Variants in CLN6 observed in about 807,000 individuals in gnomAD.
CLN6 encodes CLN6 transmembrane ER protein, also known as ceroid-lipofuscinosis neuronal protein 6.
In CLN6, 22 loss-of-function variants were observed where a neutral mutation model predicts 33.3. The ratio of observed to expected loss-of-function variants is 0.66; its 90% CI spans 0.47 to 0.94. The LOEUF (loss-of-function observed/expected upper bound fraction) is 0.94, where lower values mean the gene tolerates loss of function less well. CLN6 is among the 40% of genes least tolerant of loss of function. The pLI, the probability that CLN6 is intolerant of heterozygous loss-of-function variation, is 0.00. For synonymous variants in CLN6, 201 were observed against 174.6 expected (o/e 1.15, Z -1.19); for missense variants, 387 against 417.1 (o/e 0.93, Z 0.63).
rs913750419 is a variant in CLN6 at position 68,209,871 on chromosome 15, C to T, written c.543-112G>A. 19 of 1,485,774 alleles carry T rather than the reference C, an allele frequency of 1.3e-5. No homozygotes were observed. Among genetic ancestry groups the T allele is most frequent in the South Asian group, 1.3e-4 (11 of 87,846 alleles). The allele number at this position is 1,485,774 out of a possible 1,614,324, so 92.0% of individuals were successfully genotyped here. A position where few individuals can be genotyped will look rare whatever the true frequency, so the allele number is the denominator to read the frequency against. ...GAGTGCCACGTCACAGTTTACAAAA[C>T]GCCTAGCCTGGGTGAGAGGCGCTCC... On this transcript the variant is annotated intron_variant, in intron 5 of 6. Coordinates refer to ENST00000249806, the MANE Select transcript of CLN6 (RefSeq NM_017882.3). This position sits in a 1 kb window ranked among gnomAD's most constrained non-coding sequence, Gnocchi z 4.9.
Position 68,227,785 on chromosome 15 carries a change from T to C in CLN6, c.83+1717A>G, listed in dbSNP as rs139320560. On this transcript the variant is annotated intron_variant, in intron 1 of 6. Coordinates refer to ENST00000249806, the MANE Select transcript of CLN6 (RefSeq NM_017882.3). This position sits in a 1 kb window ranked among gnomAD's most constrained non-coding sequence, Gnocchi z 4.1. ...ATTGGAAGTGACATCTGGCAGCTCA[T>C]TGTCAAGACTGAGTAAGATGCTAGA... 4.1e-3 allele frequency among the ~76,000 whole-genome samples: 630 copies of C among 152,290 alleles called. 1 individual carries two copies. The highest frequency in any genetic ancestry group is 6.8e-3 in the Middle Eastern group (2 of 294).
In CLN6 at chr15:68,256,695, A is replaced by C. The variant is rs1178893240; in HGVS notation, c.174T>G (p.Gly58=). Residue 58 remains glycine (G), a synonymous_variant, in exon 1 of 7, where the codon GGT becomes GGG. Transcript: ENST00000538696. This position sits in a 1 kb window ranked among gnomAD's most constrained non-coding sequence, Gnocchi z 4.1. Reference sequence around the variant, plus strand: ...CTCATTGCCTTGAAACTTACTTTTTACCTTTGAATTTGAGTTTTCTCAGCG... The same window carrying C: ...CTCATTGCCTTGAAACTTACTTTTTCCCTTTGAATTTGAGTTTTCTCAGCG... 3.0e-6 allele frequency: 2 copies of C among 668,324 alleles called. No individual in the cohort carries two copies. Among genetic ancestry groups the C allele is most frequent in the African/African-American group, 1.8e-5 (1 of 55,614 alleles). The allele number at this position is 668,324 out of a possible 1,614,324, so 41.4% of individuals were successfully genotyped here.
Position 68,236,190 on chromosome 15 carries a change from T to C in CLN6, c.180-17540A>G, listed in dbSNP as rs890230173. Among the ~76,000 whole-genome samples the C allele has an allele frequency of 6.6e-6, 1 of 152,034 alleles. No individual in the cohort carries two copies. The highest frequency in any genetic ancestry group is 2.4e-5 in the African/African-American group (1 of 41,370). On this transcript the variant is annotated intron_variant, in intron 1 of 6. Transcript: ENST00000538696. The surrounding 1 kb of genome is among the most constrained non-coding windows in gnomAD (Gnocchi z 4.5). ...AAAATGGCACAGCCCCTTTGGAAAA[T>C]AGTCCAGCAGGTCCTCAAACTGTTA... is the stretch of plus-strand genomic sequence containing the variant.
chr15:68,252,415 A>G (rs1050573978), intron 1 of CLN6, among the ~76,000 whole-genome samples: 6 of 152,278 alleles, frequency 3.9e-5, no homozygotes, highest in African/African-American at 1.4e-4. Flanking sequence ...TCAGGTAAAT[A>G]TAAATAAATG....
In CLN6 at chr15:68,227,228, G is replaced by A. The variant is rs1001310448; in HGVS notation, c.83+2274C>T. Among the ~76,000 whole-genome samples the A allele has an allele frequency of 7.9e-5, 12 of 151,668 alleles. No homozygotes were observed. In the South Asian group the frequency reaches 1.3e-3, roughly 16 times the overall value. ...AATTTTTGTATTTTTTAGTAGAGAC[G>A]GGGATTCTCCATGTTGGCCAGGCTG... On this transcript the variant is annotated intron_variant, in intron 1 of 6. Transcript: ENST00000249806. The surrounding 1 kb of genome is among the most constrained non-coding windows in gnomAD (Gnocchi z 4.1).
In CLN6 at chr15:68,208,812, T is replaced by C. The variant is rs2093195834; in HGVS notation, c.666-402A>G. On this transcript the variant is annotated intron_variant, in intron 6 of 6. Transcript: ENST00000249806. The surrounding 1 kb of genome is among the most constrained non-coding windows in gnomAD (Gnocchi z 5.8). ...CAGCAGGAAGCGCTCCCCTAACGTCTTTCCCGCTCACTGTAGCTGCCACCC... is the reference window on the plus strand; with the variant it reads ...CAGCAGGAAGCGCTCCCCTAACGTCCTTCCCGCTCACTGTAGCTGCCACCC... 6.6e-6 allele frequency among the ~76,000 whole-genome samples: 1 copy of C among 152,212 alleles called. No individual in the cohort carries two copies. The highest frequency in any genetic ancestry group is 2.1e-4 in the South Asian group (1 of 4,832).
At position 68,208,308 on chromosome 15, in the gene CLN6, G is replaced by C. The variant is rs760271120; in HGVS notation, c.768C>G (p.Asp256Glu). 4.3e-6 allele frequency: 7 copies of C among 1,614,180 alleles called. No homozygotes were observed. The South Asian group carries it at 6.6e-5, about 15-fold the overall frequency. ...LHQKRKRLFL[D>E]SNGLFLFSSF... ...AGGAGAAGAGGAAGAGGCCGTTGCT[G>C]TCCAGGAAGAGGCGCTTGCGCTTCT... Residue 256 changes from aspartate to glutamate, a missense_variant, in exon 7 of 7, where the codon GAC (aspartate) becomes GAG (glutamate). By Grantham distance (45) the Asp-to-Glu change is conservative (BLOSUM62 2). Coordinates refer to ENST00000249806, the MANE Select transcript of CLN6 (RefSeq NM_017882.3). The surrounding 1 kb of genome is among the most constrained non-coding windows in gnomAD (Gnocchi z 5.8).
intron 1 of CLN6, among the ~76,000 whole-genome samples, chr15:68,250,596 G>T (rs1892368759): frequency 7.0e-6 from 1 of 142,800 alleles, no homozygotes; most frequent in South Asian, 2.2e-4. Flanking sequence ...CTGCACTCCA[G>T]CCTGGGCGAC....
At position 68,256,804 on chromosome 15, in the gene CLN6, G is replaced by C. The variant is rs774437466; in HGVS notation, c.65C>G (p.Ala22Gly). ...CTCGCCTCCCTCCCTCCTAGGGATG[G>C]CTCCCAGTGTCTCTGGCCGGGGCCT... Residue 22 changes from alanine to glycine, a missense_variant, in exon 1 of 7, where the codon GCC becomes GGC. Physicochemically the swap from Ala to Gly is moderately conservative, Grantham distance 60. Transcript: ENST00000538696. This position sits in a 1 kb window ranked among gnomAD's most constrained non-coding sequence, Gnocchi z 4.1. 49 of 702,012 alleles carry C rather than the reference G, an allele frequency of 7.0e-5. No individual in the cohort carries two copies. Among genetic ancestry groups the C allele is most frequent in the Non-Finnish European group, 4.2e-5 (16 of 384,662 alleles). The allele number at this position is 702,012 out of a possible 1,614,324, so 43.5% of individuals were successfully genotyped here.
chr15:68,229,445 C>A, intron 1 of CLN6, 57 bp downstream of exon 1: 3 of 1,331,236 alleles, frequency 2.3e-6, no homozygotes, highest in Non-Finnish European at 3.0e-6. Flanking sequence ...CGTGGCGGGT[C>A]CCGAGGCCCC....
At chr15:68,239,766 T>C (rs1892265148) in intron 1 of CLN6, among the ~76,000 whole-genome samples, 1 of 152,218 alleles carries the variant, frequency 6.6e-6, no homozygotes, top group Non-Finnish European at 1.5e-5. Flanking sequence ...ATAAATTACC[T>C]TGCATTCAAC....
At position 68,247,127 on chromosome 15, in the gene CLN6, C is replaced by A. The variant is rs1892335946; in HGVS notation, c.179+9563G>T. 6.6e-6 allele frequency among the ~76,000 whole-genome samples: 1 copy of A among 152,022 alleles called. No homozygotes were observed. Among genetic ancestry groups the A allele is most frequent in the Admixed American group, 6.6e-5 (1 of 15,264 alleles). ...AACAAAACAAGGATGCCCACCTCCA[C>A]TTTTATTCAACATAGTATTGGAAGT... On this transcript the variant is annotated intron_variant, in intron 1 of 6. Transcript: ENST00000538696. This position sits in a 1 kb window ranked among gnomAD's most constrained non-coding sequence, Gnocchi z 4.2.
In CLN6 at chr15:68,256,883, A is replaced by G; in HGVS notation, c.-15T>C. ...ACGGCTGCCATTTTCCGCCCAGGCAAGGTCCTGGGCGCGGCTCTGGGGAGG... is the reference window on the plus strand; with the variant it reads ...ACGGCTGCCATTTTCCGCCCAGGCAGGGTCCTGGGCGCGGCTCTGGGGAGG... On this transcript the variant is annotated 5_prime_UTR_variant, in exon 1 of 7. Coordinates refer to the CLN6 transcript ENST00000538696. The surrounding 1 kb of genome is among the most constrained non-coding windows in gnomAD (Gnocchi z 4.1). 2 of 534,244 alleles carry G rather than the reference A, an allele frequency of 3.7e-6. No individual in the cohort carries two copies. Among genetic ancestry groups the G allele is most frequent in the Non-Finnish European group, 3.5e-6 (1 of 281,756 alleles). The allele number at this position is 534,244 out of a possible 1,614,324, so 33.1% of individuals were successfully genotyped here.
intron 3 of CLN6, chr15:68,212,841 A>G (rs754162262): frequency 6.6e-6 from 1 of 152,130 alleles, no homozygotes; most frequent in Non-Finnish European, 1.5e-5. Flanking sequence ...TATACTTTAC[A>G]TACACAGCCT....
Position 68,209,786 on chromosome 15 carries a change from A to G in CLN6, c.543-27T>C, listed in dbSNP as rs755969686. ...TGTGACAGGAAGGCCAGTGTCTTAGAGGCCTGCTCAGCGGCCCTCTTCCCC... is the reference window on the plus strand; with the variant it reads ...TGTGACAGGAAGGCCAGTGTCTTAGGGGCCTGCTCAGCGGCCCTCTTCCCC... On this transcript the variant is annotated intron_variant, in intron 5 of 6. Transcript: ENST00000249806. This position sits in a 1 kb window ranked among gnomAD's most constrained non-coding sequence, Gnocchi z 4.9. 9 of 1,611,220 alleles carry G rather than the reference A, an allele frequency of 5.6e-6. No individual in the cohort carries two copies. The South Asian group carries it at 6.6e-5, about 12-fold the overall frequency.
rs538229741 is a variant in CLN6 at position 68,250,441 on chromosome 15, A to G, written c.179+6249T>C. ...ATCAAGACCATTCTGGTTAACCAAC[A>G]TGGTGAAACCCCGTCTCTACTAAAA... On this transcript the variant is annotated intron_variant, in intron 1 of 6. Coordinates refer to the CLN6 transcript ENST00000538696. Among the ~76,000 whole-genome samples the G allele has an allele frequency of 1.1e-3, 171 of 152,126 alleles. 1 individual carries two copies. Among genetic ancestry groups the G allele is most frequent in the African/African-American group, 3.9e-3 (160 of 41,506 alleles).
intron 1 of CLN6, chr15:68,254,867 A>T (rs1892418106): frequency 2.7e-6 from 3 of 1,131,530 alleles, no homozygotes; most frequent in Non-Finnish European, 4.0e-6. Flanking sequence ...CAAACAGACC[A>T]GACACAGAAA....
In CLN6 at chr15:68,208,146, C is replaced by T; in HGVS notation, c.930G>A (p.Arg310=). 7.4e-7 allele frequency: 1 copy of T among 1,359,480 alleles called. No homozygotes were observed. Among genetic ancestry groups the T allele is most frequent in the Non-Finnish European group, 9.8e-7 (1 of 1,018,050 alleles). The allele number at this position is 1,359,480 out of a possible 1,614,324, so 84.2% of individuals were successfully genotyped here. A position where few individuals can be genotyped will look rare whatever the true frequency, so the allele number is the denominator to read the frequency against. ...AGAGCCTGGTGCCAGGGACTCAGTG[C>T]CGACTGCTGACGTGAAGGGTGTAGA... is the stretch of plus-strand genomic sequence containing the variant. The part of the protein sequence containing the change: ...WAFYTLHVSS[R]H Residue 310 remains arginine, a synonymous_variant, in exon 7 of 7, where the codon CGG becomes CGA. Coordinates refer to ENST00000249806, the MANE Select transcript of CLN6 (RefSeq NM_017882.3). This position sits in a 1 kb window ranked among gnomAD's most constrained non-coding sequence, Gnocchi z 5.8.
chr15:68,239,985 A>G (rs1039391818), intron 1 of CLN6, among the ~76,000 whole-genome samples: 1 of 152,248 alleles, frequency 6.6e-6, no homozygotes, highest in Non-Finnish European at 1.5e-5. Flanking sequence ...GGTTTTGGAA[A>G]TTAGGAAGTA....
Sources: gnomAD v4.1 joint callset for allele counts (sites outside exome capture counted in the v4.1 genomes callset) on GRCh38, gnomAD v4.1.1 for gene constraint, Gnocchi (gnomAD v3.1) non-coding constraint, MANE v1.5 for transcripts, NCBI Gene and HGNC (gene_info 2026-07-23, HGNC 2026-07-21) for gene names.